The following NOX4 variants were observed in gnomAD, a reference collection of about 807,000 sequenced individuals.
NOX4 encodes NADPH oxidase 4, also known as kidney oxidase-1.
Under a neutral mutation model 87.6 loss-of-function variants are expected in NOX4, and 69 were observed. That is an observed-to-expected ratio of 0.79 (90% CI 0.65 to 0.96). The LOEUF is 0.96. NOX4 is among the 40% of genes least tolerant of loss of function. The pLI, the probability that NOX4 is intolerant of heterozygous loss-of-function variation, is 0.00. For synonymous variants in NOX4, 275 were observed against 238.2 expected (o/e 1.15, Z -1.42); for missense variants, 680 against 681.5 (o/e 1.00, Z 0.02).
At chr11:89,345,903 C>G (rs752856870) in intron 13 of NOX4, among the ~76,000 whole-genome samples, 7 of 152,154 alleles carry the variant, frequency 4.6e-5, no homozygotes, top group Non-Finnish European at 1.0e-4. Context: ...AGGATGCCCA[C>G]TCTCACCACT....
chr11:89,343,467 T>C (rs1049763464), intron 13 of NOX4, among the ~76,000 whole-genome samples: 1 of 152,082 alleles, frequency 6.6e-6, no homozygotes. Context: ...TTTGATTTTT[T>C]TTTTTTTGTA....
Position 89,400,242 on chromosome 11 carries a change from T to G in NOX4, c.984A>C (p.Lys328Asn). 6.2e-7 allele frequency: 1 copy of G among 1,612,834 alleles called. No individual in the cohort carries two copies. Among genetic ancestry groups the G allele is most frequent in the Non-Finnish European group, 8.5e-7 (1 of 1,179,280 alleles). Reference sequence around the variant, plus strand: ...GACCAGGTCTTGCTTTAAAATTTTCTTTGACCATTCGGATTTCCATGACAT... The same window carrying G: ...GACCAGGTCTTGCTTTAAAATTTTCGTTGACCATTCGGATTTCCATGACAT... ...PSDVMEIRMV[K>N]ENFKARPGQY... Residue 328 changes from lysine to asparagine, a missense_variant, in exon 10 of 18, where the codon AAA becomes AAC. Transcript: ENST00000263317.
At position 89,491,230 on chromosome 11, in the gene NOX4, CT is replaced by C; in HGVS notation, c.16del (p.Arg6GlyfsTer20). MAVSW[R>X]SWLANEGVKH... ...AACCCCTTCGTTGGCGAGCCAGCTC[CT>C]CCAGGACACAGCCATGCCGCCGGCC... On this transcript the variant is annotated frameshift_variant, in exon 1 of 18. Coordinates refer to ENST00000263317, the MANE Select transcript of NOX4 (RefSeq NM_016931.5). LOFTEE classifies it high-confidence loss of function. The C allele has an allele frequency of 1.2e-6, 2 of 1,613,644 alleles. No homozygotes were observed. The highest frequency in any genetic ancestry group is 2.7e-5 in the African/African-American group (2 of 75,060).
rs1254185377 is a variant in NOX4, at chr11:89,326,267, T to G, written c.*489A>C. 6.6e-6 allele frequency: 1 copy of G among 152,572 alleles called. No homozygotes were observed. The highest frequency in any genetic ancestry group is 1.5e-5 in the Non-Finnish European group (1 of 68,304). The allele number at this position is 152,572 out of a possible 1,614,324, so 9.5% of individuals were successfully genotyped here. On this transcript the variant is annotated 3_prime_UTR_variant, in exon 18 of 18. Coordinates refer to ENST00000263317, the MANE Select transcript of NOX4 (RefSeq NM_016931.5). ...TCAATACAGAGTCTTGTGCTGTGTTTTCAAACATCTAATATATTTGCCTGG... is the reference window on the plus strand; with the variant it reads ...TCAATACAGAGTCTTGTGCTGTGTTGTCAAACATCTAATATATTTGCCTGG...
chr11:89,328,938 A>T (rs866405977), intron 17 of NOX4, among the ~76,000 whole-genome samples: 37 of 152,164 alleles, frequency 2.4e-4, no homozygotes, highest in African/African-American at 7.9e-4. Context: ...ATCTCAGGAA[A>T]CCAGTCCTGC....
At chr11:89,406,807 A>G (rs1476879301) in intron 8 of NOX4, among the ~76,000 whole-genome samples, 1 of 152,166 alleles carries the variant, frequency 6.6e-6, no homozygotes, top group Non-Finnish European at 1.5e-5. Context: ...AGAACCAAAA[A>G]TGATAATTAA....
intron 4 of NOX4, among the ~76,000 whole-genome samples, chr11:89,448,836 T>C (rs1255438376): frequency 6.6e-6 from 1 of 152,098 alleles, no homozygotes; most frequent in Non-Finnish European, 1.5e-5. Flanking sequence ...TTAGCCAAGA[T>C]TGTACCGCTG....
At chr11:89,493,862 AC>A (rs973363210), upstream of NOX4, among the ~76,000 whole-genome samples, 1 of 151,794 alleles carries the variant, frequency 6.6e-6, no homozygotes, top group African/African-American at 2.4e-5. Context: ...CAATTCTCTC[AC>A]CTCAGCCTCC....
chr11:89,509,247 T>C, the NOX4 span, among the ~76,000 whole-genome samples: 114,989 of 151,204 alleles, frequency 0.76, 43,933 homozygotes, highest in Admixed American at 0.79. Flanking sequence ...TGATTACTAA[T>C]ATAATAGTGT....
the NOX4 span, among the ~76,000 whole-genome samples, chr11:89,512,783 T>C: frequency 2.0e-5 from 3 of 152,110 alleles, no homozygotes; most frequent in Non-Finnish European, 1.5e-5. Flanking sequence ...ACCTTTGCCA[T>C]ACACTTCTAA....
At chr11:89,457,018 C>T (rs751922418) in intron 2 of NOX4, among the ~76,000 whole-genome samples, 8 of 152,250 alleles carry the variant, frequency 5.3e-5, no homozygotes, top group Middle Eastern at 3.4e-3. Flanking sequence ...TGATGGCCAA[C>T]CAAGTTGCTT....
intron 2 of NOX4, among the ~76,000 whole-genome samples, chr11:89,471,777 T>C (rs576013322): frequency 6.6e-6 from 1 of 152,334 alleles, no homozygotes; most frequent in South Asian, 2.1e-4. Flanking sequence ...AGTCTCTCTC[T>C]GTCACCCAGA....
intron 17 of NOX4, among the ~76,000 whole-genome samples, chr11:89,333,844 T>C (rs1945583144): frequency 1.3e-5 from 2 of 151,890 alleles, no homozygotes; most frequent in East Asian, 3.9e-4. Context: ...TTCAGGCACC[T>C]GCCTGAGAAC....
intron 1 of NOX4, chr11:89,497,875 TTTC>T (rs1286918911): frequency 6.6e-6 from 1 of 152,204 alleles, no homozygotes; most frequent in Non-Finnish European, 1.5e-5. Flanking sequence ...ACACTGACAG[TTTC>T]TTTTTTACAC....
In NOX4 at chr11:89,440,673, A is replaced by G. The variant is rs756851194; in HGVS notation, c.475+15T>C. The stretch of plus-strand genomic sequence containing the variant: ...GTTCCTAAACCTAAAGAAAAGGCTA[A>G]GAATAACAACTTACCAGTTGTGAAG... On this transcript the variant is annotated intron_variant, in intron 6 of 17. Transcript: ENST00000263317. The G allele has an allele frequency of 1.3e-6, 2 of 1,536,010 alleles. No individual in the cohort carries two copies. The highest frequency in any genetic ancestry group is 2.4e-5 in the South Asian group (2 of 83,392).
At chr11:89,577,041 T>G in the NOX4 span, 1 of 152,092 alleles carries the variant, frequency 6.6e-6, no homozygotes, top group African/African-American at 2.4e-5. Context: ...GTAACTTAGA[T>G]TAAATCCTTT....
chr11:89,455,743 T>C (rs201596409), intron 2 of NOX4, among the ~76,000 whole-genome samples: 2 of 135,428 alleles, frequency 1.5e-5, no homozygotes, highest in East Asian at 2.2e-4. Context: ...TATATATATA[T>C]ATGAAACAAA....
intron 12 of NOX4, among the ~76,000 whole-genome samples, chr11:89,358,809 C>G (rs929498231): frequency 6.6e-6 from 1 of 151,360 alleles, no homozygotes; most frequent in Non-Finnish European, 1.5e-5. Context: ...AGGAAAATGT[C>G]AAACCAGATG....
At chr11:89,328,311 A>G (rs2135357161) in intron 17 of NOX4, among the ~76,000 whole-genome samples, 1 of 152,324 alleles carries the variant, frequency 6.6e-6, no homozygotes, top group African/African-American at 2.4e-5. Context: ...AGGACTGCAA[A>G]TAATTTGTAT....
Sources: gnomAD v4.1 joint callset for allele counts (sites outside exome capture counted in the v4.1 genomes callset) on GRCh38, gnomAD v4.1.1 for gene constraint, MANE v1.5 for transcripts, NCBI Gene and HGNC (gene_info 2026-07-23, HGNC 2026-07-21) for gene names.